The following THUMPD2 variants were observed in gnomAD, a reference collection of about 807,000 sequenced individuals.
THUMPD2 encodes the protein THUMP domain 2 tRNA and snRNA guanosine methyltransferase, also known as U6 snRNA (guanine-N(2))-methyltransferase THUMPD2.
In THUMPD2, 56 loss-of-function variants were observed where a neutral mutation model predicts 49.4. The ratio of observed to expected loss-of-function variants is 1.13; its 90% CI spans 0.91 to 1.41. The LOEUF (loss-of-function observed/expected upper bound fraction) is 1.41. Among genes scored for constraint, THUMPD2 ranks in the 40% most tolerant of loss-of-function variants. THUMPD2 has a pLI of 0.00. For synonymous variants in THUMPD2, 237 were observed against 205.2 expected, an observed-to-expected ratio of 1.15 and a Z score of -1.32; for missense variants, 709 against 594.5, an observed-to-expected ratio of 1.19 and a Z score of -2.00.
chr2:39,750,324 T>C (rs1213472182), intron 8 of THUMPD2, among the ~76,000 whole-genome samples: 3 of 152,258 alleles, frequency 2.0e-5, no homozygotes, highest in Non-Finnish European at 4.4e-5. Flanking sequence ...CATTGTGGTT[T>C]TGATTCGCAT....
intron 9 of THUMPD2, among the ~76,000 whole-genome samples, chr2:39,742,579 A>G (rs1054156953): frequency 2.0e-5 from 3 of 152,196 alleles, no homozygotes; most frequent in South Asian, 2.1e-4. Context: ...AGAGTAAGCC[A>G]CCATCTCTCT....
At chr2:39,749,484 T>C (rs6742533) in intron 8 of THUMPD2, among the ~76,000 whole-genome samples, 8,702 of 152,342 alleles carry the variant, frequency 0.057, 837 homozygotes, top group African/African-American at 0.2. Flanking sequence ...AATAGCCATT[T>C]GATCTAAAGG....
intron 6 of THUMPD2, among the ~76,000 whole-genome samples, chr2:39,758,106 T>C (rs1558513904): frequency 6.6e-6 from 1 of 152,214 alleles, no homozygotes; most frequent in Non-Finnish European, 1.5e-5. Context: ...TTTTTGATCA[T>C]TTACTTTTGA....
At chr2:39,754,248 C>A (rs934765172) in intron 8 of THUMPD2, among the ~76,000 whole-genome samples, 1 of 152,132 alleles carries the variant, frequency 6.6e-6, no homozygotes, top group Non-Finnish European at 1.5e-5. Context: ...AGTCTAGTCA[C>A]CCCTTAGTTT....
At chr2:39,758,526 G>A (rs1450928809) in intron 6 of THUMPD2, among the ~76,000 whole-genome samples, 2 of 152,180 alleles carry the variant, frequency 1.3e-5, no homozygotes, top group East Asian at 3.9e-4. Context: ...ACCCAGAGGG[G>A]AGAATCAGTG....
intron 4 of THUMPD2, among the ~76,000 whole-genome samples, chr2:39,767,603 CAAAAAAAAAAA>C (rs57906396): frequency 1.5e-5 from 1 of 67,852 alleles, no homozygotes; most frequent in South Asian, 5.8e-4. Flanking sequence ...GACTCCGTCT[CAAAAAAAAAAA>C]AAAAAAAAGA....
intron 5 of THUMPD2, among the ~76,000 whole-genome samples, chr2:39,765,113 CTAAT>C (rs1310774687): frequency 6.6e-6 from 1 of 151,974 alleles, no homozygotes. Context: ...TGGTAAGAAT[CTAAT>C]TAATACCACA....
At chr2:39,739,087 A>G (rs1022645724) in intron 9 of THUMPD2, among the ~76,000 whole-genome samples, 1 of 152,206 alleles carries the variant, frequency 6.6e-6, no homozygotes, top group African/African-American at 2.4e-5. Flanking sequence ...ACAATCTGGT[A>G]GACAGGTCTT....
Position 39,738,598 on chromosome 2 carries a change from T to TAA in THUMPD2, c.1188-1541_1188-1540dup, listed in dbSNP as rs56721088. Among the ~76,000 whole-genome samples, 386 of 146,378 alleles carry TAA rather than the reference T, an allele frequency of 2.6e-3. 4 individuals carry two copies. The highest frequency in any genetic ancestry group is 8.6e-3 in the African/African-American group (343 of 39,878). On this transcript the variant is annotated intron_variant, in intron 9 of 9. Coordinates refer to ENST00000505747, the MANE Select transcript of THUMPD2 (RefSeq NM_025264.5). ...ATTATTTTTTACACACATACATATG[T>TAA]AAAAATATATATATAATATATATTA... is the stretch of plus-strand genomic sequence containing the variant.
Position 39,736,823 on chromosome 2 carries a change from A to G in THUMPD2, c.1424T>C (p.Leu475Ser), listed in dbSNP as rs750366122. Reference sequence around the variant, plus strand: ...AACTTTGTAGCATTCCACTGGTACCAAGGAGCCAAATGGTGACATTCTGTC... The same window carrying G: ...AACTTTGTAGCATTCCACTGGTACCGAGGAGCCAAATGGTGACATTCTGTC... ...FLDRMSPFGS[L>S]VPVECYKVSL... The change falls in exon 10 of 10, where the codon TTG (leucine) becomes TCG (serine). Residue 475 changes from leucine (L) to serine (S), a missense_variant. Transcript: ENST00000505747. 8 of 1,614,224 alleles carry G rather than the reference A, an allele frequency of 5.0e-6. No homozygotes were observed. In the Admixed American group the frequency reaches 1.3e-4, roughly 27 times the overall value.
chr2:39,753,650 G>A (rs1246992660), intron 8 of THUMPD2, among the ~76,000 whole-genome samples: 1 of 152,090 alleles, frequency 6.6e-6, no homozygotes, highest in Non-Finnish European at 1.5e-5. Flanking sequence ...TCTCAGTAAC[G>A]ACAACTCAAT....
At position 39,771,647 on chromosome 2, in the gene THUMPD2, A is replaced by G. The variant is rs182187255; in HGVS notation, c.127-7T>C. ...TTCCTGAAATATATTCAACCTAGAA[A>G]TAGAAAAACAGCTTTTAATGTAGTC... On this transcript the variant is annotated splice_region_variant and splice_polypyrimidine_tract_variant and intron_variant, in intron 1 of 9. Coordinates refer to ENST00000505747, the MANE Select transcript of THUMPD2 (RefSeq NM_025264.5). 10 of 1,599,898 alleles carry G rather than the reference A, an allele frequency of 6.3e-6. No homozygotes were observed. Among genetic ancestry groups the G allele is most frequent in the Non-Finnish European group, 8.5e-6 (10 of 1,176,168 alleles).
chr2:39,771,970 C>T (rs368927254), intron 1 of THUMPD2, among the ~76,000 whole-genome samples: 3 of 152,284 alleles, frequency 2.0e-5, no homozygotes, highest in African/African-American at 7.2e-5. Context: ...TGAATAATAA[C>T]AGACACACAC....
At chr2:39,777,190 C>T (rs1021071636) in intron 1 of THUMPD2, among the ~76,000 whole-genome samples, 17 of 152,210 alleles carry the variant, frequency 1.1e-4, no homozygotes, top group African/African-American at 3.6e-4. Context: ...TCAGGGACTG[C>T]AGTAATCCTT....
intron 1 of THUMPD2, among the ~76,000 whole-genome samples, chr2:39,775,342 C>T (rs970599946): frequency 1.3e-5 from 2 of 152,064 alleles, no homozygotes; most frequent in South Asian, 2.1e-4. Flanking sequence ...TACCAAAGGT[C>T]TCCTAATTCT....
intron 5 of THUMPD2, among the ~76,000 whole-genome samples, chr2:39,763,553 T>C (rs1677107879): frequency 6.6e-6 from 1 of 152,164 alleles, no homozygotes; most frequent in Non-Finnish European, 1.5e-5. Flanking sequence ...TATTTACTAA[T>C]TGTTCAAATC....
chr2:39,776,455 G>A (rs1007364103), intron 1 of THUMPD2, among the ~76,000 whole-genome samples: 12 of 149,978 alleles, frequency 8.0e-5, no homozygotes, highest in Non-Finnish European at 1.5e-4. Context: ...GTGCAGTGGC[G>A]CGATCTTGGC....
intron 1 of THUMPD2, among the ~76,000 whole-genome samples, chr2:39,776,651 A>T (rs1350155729): frequency 2.6e-5 from 4 of 152,150 alleles, no homozygotes; most frequent in African/African-American, 9.7e-5. Context: ...TTGGCCTCCC[A>T]AAGTGCTGGG....
At chr2:39,764,631 C>T (rs1474280567) in intron 5 of THUMPD2, among the ~76,000 whole-genome samples, 1 of 152,184 alleles carries the variant, frequency 6.6e-6, no homozygotes, top group Non-Finnish European at 1.5e-5. Flanking sequence ...TCATTTCAGA[C>T]TTTCTTCTGT....
Sources: allele counts gnomAD v4.1 joint callset (sites outside exome capture counted in the v4.1 genomes callset), GRCh38; gene constraint gnomAD v4.1.1; transcripts MANE v1.5; gene names NCBI Gene and HGNC (gene_info 2026-07-23, HGNC 2026-07-21).